MTSS2: variants seen among roughly 807,000 people sequenced by gnomAD.
MTSS2 encodes the protein MTSS I-BAR domain containing 2, also known as protein MTSS 2.
A neutral mutation model predicts 67.1 loss-of-function variants in MTSS2; 27 were observed. The observed-to-expected ratio is 0.40, with a 90% CI of 0.30 to 0.55. The LOEUF (loss-of-function observed/expected upper bound fraction) is 0.55, where lower values mean the gene tolerates loss of function less well. Among genes scored for constraint, MTSS2 ranks in the 20% least tolerant of loss-of-function variants. The pLI is 0.43. For synonymous variants in MTSS2, 624 were observed against 468.6 expected (o/e 1.33, Z -4.28); for missense variants, 1,171 against 1,067.8 (o/e 1.10, Z -1.35).
rs73575035 is a variant in MTSS2, at chr16:70,665,606, G to A, written c.1054-66C>T. On this transcript the variant is annotated intron_variant, in intron 11 of 14. Coordinates refer to ENST00000338779, the MANE Select transcript of MTSS2 (RefSeq NM_138383.3). Reference sequence around the variant, plus strand: ...CCGGCAGGCAGCAAGGAGGAGAGGAGAGAACAGTTTTGGTCACAGAGCTGG... The same window carrying A: ...CCGGCAGGCAGCAAGGAGGAGAGGAAAGAACAGTTTTGGTCACAGAGCTGG... The A allele has an allele frequency of 0.012, 16,757 of 1,418,320 alleles. 1,367 individuals carry two copies. The African/African-American group carries it at 0.19, about 16-fold the overall frequency. The allele number at this position is 1,418,320 out of a possible 1,614,324, so 87.9% of individuals were successfully genotyped here.
At chr16:70,667,190 G>C (rs1234662913) in intron 11 of MTSS2, among the ~76,000 whole-genome samples, 1 of 146,938 alleles carries the variant, frequency 6.8e-6, no homozygotes, top group African/African-American at 2.5e-5. Flanking sequence ...AGGATATCTT[G>C]AGCCTAGGAA....
chr16:70,682,861 G>A (rs2053343083), intron 1 of MTSS2, among the ~76,000 whole-genome samples: 1 of 152,162 alleles, frequency 6.6e-6, no homozygotes. Context: ...TCACCAACAA[G>A]GAAACAGAAG....
At chr16:70,666,662 C>T (rs1037839703) in intron 11 of MTSS2, among the ~76,000 whole-genome samples, 3 of 152,162 alleles carry the variant, frequency 2.0e-5, no homozygotes, top group Admixed American at 6.5e-5. Context: ...AAACCAGGCA[C>T]CACCTGTGAG....
Position 70,676,975 on chromosome 16 carries a change from T to A in MTSS2, c.736A>T (p.Ile246Phe), listed in dbSNP as rs757373252. ...TAGTCCGAGCCCTTTAGGTCTTTGA[T>A]TACCTGGACAGGGACATGGATGGGG... ...HKLPPASEQV[I>F]KDLKGSDYSW... Residue 246 changes from isoleucine to phenylalanine, a missense_variant, in exon 10 of 15, where the codon ATC becomes TTC. Ile to Phe is a conservative substitution (Grantham distance 21). This residue lies in a region of MTSS2 where 924 missense variants were observed against 756.0 expected (regional missense o/e 1.22). Transcript: ENST00000338779. 6.2e-7 allele frequency: 1 copy of A among 1,613,282 alleles called. No homozygotes were observed. The highest frequency in any genetic ancestry group is 8.5e-7 in the Non-Finnish European group (1 of 1,179,504).
chr16:70,679,927 G>GGCCCCCCCCCCCCCCC, intron 4 of MTSS2, 44 bp downstream of exon 4: 1 of 1,491,352 alleles, frequency 6.7e-7, no homozygotes, highest in Non-Finnish European at 9.0e-7. Context: ...CCCCCGCGAC[G>GGCCCCCCCCCCCCCCC]CCCCGTCCCC....
chr16:70,671,757 A>G (rs1298039001), intron 11 of MTSS2, among the ~76,000 whole-genome samples: 1 of 152,222 alleles, frequency 6.6e-6, no homozygotes, highest in Admixed American at 6.5e-5. Flanking sequence ...AACTTGGCAC[A>G]CGCCACCTTA....
At chr16:70,667,780 C>T (rs532005785) in intron 11 of MTSS2, among the ~76,000 whole-genome samples, 105 of 151,648 alleles carry the variant, frequency 6.9e-4, no homozygotes, top group Non-Finnish European at 1.2e-3. Context: ...GGCTGAGGCA[C>T]GAGAATAGCT....
chr16:70,664,649 T>C lies in MTSS2; in HGVS notation c.1420A>G (p.Ser474Gly). The change falls in exon 14 of 15, where the codon AGC becomes GGC. Residue 474 changes from serine to glycine, a missense_variant. Physicochemically the swap from Ser to Gly is moderately conservative, Grantham distance 56. Transcript: ENST00000338779. ...RDSLQYSSGY[S>G]TQTTTPSCSE... ...CAGGAGGGCGTGGTGGTCTGCGTGC[T>C]GTAGCCGCTGGAGTACTGCAGCGAG... 1 of 1,613,392 alleles carries C rather than the reference T, an allele frequency of 6.2e-7. No homozygotes were observed. The highest frequency in any genetic ancestry group is 8.5e-7 in the Non-Finnish European group (1 of 1,179,918).
intron 3 of MTSS2, 37 bp downstream of exon 3, chr16:70,680,757 T>C (rs1441676099): frequency 3.9e-6 from 6 of 1,543,314 alleles, no homozygotes; most frequent in Non-Finnish European, 4.4e-6. Flanking sequence ...AGGCCCACCC[T>C]GGGGCAACCC....
intron 11 of MTSS2, among the ~76,000 whole-genome samples, chr16:70,667,178 G>A (rs1461822581): frequency 6.6e-6 from 1 of 150,866 alleles, no homozygotes; most frequent in Non-Finnish European, 1.5e-5. Context: ...AGCTGAGGCA[G>A]GAGGATATCT....
chr16:70,665,082 G>A lies in MTSS2; in HGVS notation c.1143C>T (p.Val381=), dbSNP rs1267207596. ...CSSPTSDWSK[V]GSHEQPSGAT... ...CGCCTGAGGGCTGCTCATGGGAGCC[G>A]ACCTTGGACCAGTCCTGCAGGGAGG... Residue 381 remains valine (V), a synonymous_variant, in exon 13 of 15, where the codon GTC becomes GTT. Coordinates refer to ENST00000338779, the MANE Select transcript of MTSS2 (RefSeq NM_138383.3). 2.3e-5 allele frequency: 36 copies of A among 1,596,614 alleles called. No individual in the cohort carries two copies. Among genetic ancestry groups the A allele is most frequent in the East Asian group, 4.5e-5 (2 of 44,872 alleles).
intron 6 of MTSS2, 63 bp downstream of exon 6, chr16:70,679,567 G>A: frequency 8.7e-6 from 13 of 1,490,174 alleles, no homozygotes; most frequent in South Asian, 7.6e-5. Flanking sequence ...GGCGCCCCAC[G>A]GGGCGGTGGG....
chr16:70,681,083 C>G, intron 1 of MTSS2, 58 bp from the exon 2 acceptor site: 1 of 1,504,966 alleles, frequency 6.6e-7, no homozygotes, highest in East Asian at 2.3e-5. Flanking sequence ...AGGGCTTGAC[C>G]TGGGCCGGGC....
intron 1 of MTSS2, 23 bp downstream of exon 1, chr16:70,685,700 C>G: frequency 7.8e-7 from 1 of 1,285,378 alleles, no homozygotes; most frequent in Non-Finnish European, 1.0e-6. Flanking sequence ...GCCGCGCGCC[C>G]GGCCCCGCCG....
chr16:70,670,052 C>G (rs1423255565), intron 11 of MTSS2, among the ~76,000 whole-genome samples: 1 of 152,148 alleles, frequency 6.6e-6, no homozygotes, highest in Admixed American at 6.5e-5. Flanking sequence ...GGGTGGACTG[C>G]CTGAGGTCAG....
chr16:70,662,026 C>T lies in MTSS2; in HGVS notation c.*1651G>A, dbSNP rs1379496291. 6.6e-6 allele frequency: 1 copy of T among 152,594 alleles called. No homozygotes were observed. The highest frequency in any genetic ancestry group is 2.4e-5 in the African/African-American group (1 of 41,412). The allele number at this position is 152,594 out of a possible 1,614,324, so 9.5% of individuals were successfully genotyped here. On this transcript the variant is annotated 3_prime_UTR_variant, in exon 15 of 15. Coordinates refer to ENST00000338779, the MANE Select transcript of MTSS2 (RefSeq NM_138383.3). ...GTGCTCGGCCAGGCAGTTGTTGAAC[C>T]TAGTGACTTACTTACAGGGACCATT... is the stretch of plus-strand genomic sequence containing the variant.
intron 10 of MTSS2, 40 bp downstream of exon 10, chr16:70,676,841 T>A (rs753880939): frequency 6.4e-7 from 1 of 1,569,028 alleles, no homozygotes. Flanking sequence ...CCTCTTGGGA[T>A]ACCGCCCCCC....
At chr16:70,664,817 A>G in intron 13 of MTSS2, 54 bp from the exon 14 acceptor site, 2 of 1,542,378 alleles carry the variant, frequency 1.3e-6, no homozygotes, top group Non-Finnish European at 1.8e-6. Flanking sequence ...CCCTCTGCCC[A>G]AATTCCAGGC....
chr16:70,685,732 GT>G lies in MTSS2; in HGVS notation c.59del (p.Asn20ThrfsTer3). 7.3e-7 allele frequency: 1 copy of G among 1,376,464 alleles called. No homozygotes were observed. Among genetic ancestry groups the G allele is most frequent in the Non-Finnish European group, 9.6e-7 (1 of 1,044,128 alleles). The allele number at this position is 1,376,464 out of a possible 1,614,324, so 85.3% of individuals were successfully genotyped here. A position where few individuals can be genotyped will look rare whatever the true frequency, so the allele number is the denominator to read the frequency against. On this transcript the variant is annotated frameshift_variant, in exon 1 of 15. Transcript: ENST00000338779. LOFTEE classifies it high-confidence loss of function. ...GCCGCGCCCCGGTTACCTTCATGTC[GT>G]TGACTATGGCCTGGAAGAGCCCGCC... The part of the protein sequence containing the change: ...ALGGLFQAIV[N>X]DMKSSYPIWE...
Sources: allele counts gnomAD v4.1 joint callset (sites outside exome capture counted in the v4.1 genomes callset), GRCh38; gene constraint gnomAD v4.1.1; regional missense constraint gnomAD v4.1.1; transcripts MANE v1.5; gene names NCBI Gene and HGNC (gene_info 2026-07-23, HGNC 2026-07-21).